The following EYS variants were observed in gnomAD, a reference collection of about 807,000 sequenced individuals.
The protein encoded by EYS is protein eyes shut homolog.
In EYS, 250 loss-of-function variants were observed where a neutral mutation model predicts 282.1. The ratio of observed to expected loss-of-function variants is 0.89; its 90% CI spans 0.80 to 0.98. The LOEUF (loss-of-function observed/expected upper bound fraction) is 0.98. EYS is among the 50% of genes least tolerant of loss of function. The pLI is 0.00. For synonymous variants in EYS, 1,355 were observed against 1,282.9 expected (o/e 1.06, Z -1.20); for missense variants, 4,016 against 3,709.0 (o/e 1.08, Z -2.15).
intron 18 of EYS, among the ~76,000 whole-genome samples, chr6:64,899,037 A>G (rs1008643431): frequency 4.6e-5 from 7 of 152,140 alleles, no homozygotes; most frequent in African/African-American, 1.4e-4. Context: ...TGTCAATATT[A>G]GACAGATCGA....
At chr6:65,667,562 C>G (rs1467679924) in intron 1 of EYS, among the ~76,000 whole-genome samples, 7 of 151,826 alleles carry the variant, frequency 4.6e-5, no homozygotes, top group Non-Finnish European at 8.9e-5. Flanking sequence ...TCCCAACTAC[C>G]AAATCAATTG....
chr6:63,817,014 A>G (rs1464762872), intron 36 of EYS, among the ~76,000 whole-genome samples: 2 of 152,170 alleles, frequency 1.3e-5, no homozygotes, highest in African/African-American at 2.4e-5. Context: ...ATCTCTGCAT[A>G]ATGGCCATTT....
chr6:63,995,163 T>C (rs1051602583), intron 34 of EYS, among the ~76,000 whole-genome samples: 1 of 151,908 alleles, frequency 6.6e-6, no homozygotes, highest in Non-Finnish European at 1.5e-5. Flanking sequence ...AAGGAATTTC[T>C]ACAACTCAAT....
intron 31 of EYS, among the ~76,000 whole-genome samples, chr6:64,159,519 C>A (rs938528027): frequency 1.3e-4 from 19 of 146,716 alleles, no homozygotes; most frequent in Non-Finnish European, 2.2e-4. Context: ...GAGATCGCAC[C>A]ACTGCACTCC....
intron 12 of EYS, among the ~76,000 whole-genome samples, chr6:65,110,211 G>T (rs6906629): frequency 0.26 from 39,489 of 151,860 alleles, 6,280 homozygotes; most frequent in African/African-American, 0.44. Context: ...GCAAAATTCT[G>T]TTCTCTTTTC....
chr6:65,093,559 T>A (rs907182243), intron 12 of EYS, among the ~76,000 whole-genome samples: 2 of 151,846 alleles, frequency 1.3e-5, no homozygotes, highest in African/African-American at 4.8e-5. Context: ...TGAATTTAAG[T>A]TGCCATCAGC....
intron 11 of EYS, among the ~76,000 whole-genome samples, chr6:65,321,033 T>C (rs12196668): frequency 0.046 from 6,991 of 152,260 alleles, 220 homozygotes; most frequent in South Asian, 0.089. Flanking sequence ...CCTAGAAATA[T>C]ACTAAACGCT....
intron 22 of EYS, among the ~76,000 whole-genome samples, chr6:64,701,510 T>C (rs1290359401): frequency 6.6e-6 from 1 of 152,114 alleles, no homozygotes; most frequent in Admixed American, 6.5e-5. Flanking sequence ...GTATGTTTAT[T>C]GCAGCACTAT....
intron 12 of EYS, among the ~76,000 whole-genome samples, chr6:65,277,046 C>T (rs1768066904): frequency 1.3e-5 from 2 of 152,082 alleles, no homozygotes; most frequent in Admixed American, 1.3e-4. Context: ...AATCATTGCT[C>T]CTAGTGTGAC....
At chr6:64,380,766 C>T (rs1264675406) in intron 29 of EYS, among the ~76,000 whole-genome samples, 3 of 152,046 alleles carry the variant, frequency 2.0e-5, no homozygotes, top group Non-Finnish European at 4.4e-5. Flanking sequence ...GCCTATAATA[C>T]CAGCACTTTG....
chr6:64,864,209 C>T (rs1413899449), intron 19 of EYS, among the ~76,000 whole-genome samples: 1 of 151,726 alleles, frequency 6.6e-6, no homozygotes, highest in Non-Finnish European at 1.5e-5. Flanking sequence ...TGGGATTTTG[C>T]TAAATGGAAG....
At chr6:64,141,051 A>T (rs140127135) in intron 31 of EYS, among the ~76,000 whole-genome samples, 2 of 152,156 alleles carry the variant, frequency 1.3e-5, no homozygotes, top group African/African-American at 2.4e-5. Flanking sequence ...GATGCATTTC[A>T]TTGGATTATT....
intron 24 of EYS, among the ~76,000 whole-genome samples, chr6:64,600,122 A>T (rs1284240168): frequency 2.6e-5 from 4 of 152,134 alleles, no homozygotes; most frequent in Non-Finnish European, 5.9e-5. Context: ...AGCATCCTTC[A>T]GGTGACTTGT....
intron 31 of EYS, among the ~76,000 whole-genome samples, chr6:64,167,930 G>C (rs1364421504): frequency 7.0e-6 from 1 of 143,726 alleles, no homozygotes; most frequent in Non-Finnish European, 1.6e-5. Context: ...AAAATGATAA[G>C]ATATTACTTT....
intron 18 of EYS, among the ~76,000 whole-genome samples, chr6:64,888,823 A>T (rs2150064531): frequency 6.6e-6 from 1 of 152,132 alleles, no homozygotes. Flanking sequence ...TTCTCACTGA[A>T]TTAATGATGA....
intron 14 of EYS, among the ~76,000 whole-genome samples, chr6:64,961,883 T>C (rs1769933030): frequency 1.3e-5 from 2 of 152,228 alleles, no homozygotes; most frequent in East Asian, 3.9e-4. Flanking sequence ...TGAAGCGGTT[T>C]TTCTATACTC....
At chr6:65,612,192 C>G (rs930407858) in intron 2 of EYS, among the ~76,000 whole-genome samples, 8 of 150,522 alleles carry the variant, frequency 5.3e-5, no homozygotes, top group African/African-American at 2.0e-4. Flanking sequence ...TGAATGTAAA[C>G]CCTGTATATA....
intron 1 of EYS, among the ~76,000 whole-genome samples, chr6:65,696,451 C>T (rs1769460299): frequency 6.6e-6 from 1 of 151,928 alleles, no homozygotes; most frequent in Admixed American, 6.6e-5. Context: ...TGAGAGTAAA[C>T]TATTTGTACA....
intron 21 of EYS, among the ~76,000 whole-genome samples, chr6:64,819,833 T>C (rs1764848045): frequency 6.6e-6 from 1 of 151,926 alleles, no homozygotes; most frequent in Non-Finnish European, 1.5e-5. Context: ...ATTTTATCTA[T>C]AATTTAAAAT....
Sources: allele counts gnomAD v4.1 joint callset (sites outside exome capture counted in the v4.1 genomes callset), GRCh38; gene constraint gnomAD v4.1.1; transcripts MANE v1.5; gene names NCBI Gene and HGNC (gene_info 2026-07-23, HGNC 2026-07-21).